Variants in PACSIN1 observed in about 807,000 individuals in gnomAD.
PACSIN1 encodes the protein protein kinase C and casein kinase substrate in neurons protein 1.
In PACSIN1, 15 loss-of-function variants were observed where a neutral mutation model predicts 59.5. The ratio of observed to expected loss-of-function variants is 0.25; its 90% CI spans 0.17 to 0.39. The LOEUF is 0.39. Among genes scored for constraint, PACSIN1 ranks in the 10% least tolerant of loss-of-function variants. The probability of loss-of-function intolerance (pLI) is 1.00; values close to 1 mark genes in which losing one functional copy is unlikely to be tolerated. For synonymous variants in PACSIN1, 210 were observed against 220.6 expected (o/e 0.95, Z 0.42); for missense variants, 420 against 580.2 (o/e 0.72, Z 2.84).
At position 34,529,636 on chromosome 6, in the gene PACSIN1, G is replaced by T; in HGVS notation, c.613-30G>T. 1 of 1,612,950 alleles carries T rather than the reference G, an allele frequency of 6.2e-7. No homozygotes were observed. Among genetic ancestry groups the T allele is most frequent in the Non-Finnish European group, 8.5e-7 (1 of 1,179,066 alleles). The stretch of plus-strand genomic sequence containing the variant: ...CTGGGAGCTGCAGGCCTGGCTAGGT[G>T]TCACCCTCTCTCCACTCTGGTGCCC... On this transcript the variant is annotated intron_variant, in intron 5 of 9. Coordinates refer to ENST00000244458, the MANE Select transcript of PACSIN1 (RefSeq NM_020804.5). The surrounding 1 kb of genome is among the most constrained non-coding windows in gnomAD (Gnocchi z 6.3).
At chr6:34,508,968 G>T (rs1050066012) in intron 1 of PACSIN1, among the ~76,000 whole-genome samples, 2 of 152,090 alleles carry the variant, frequency 1.3e-5, no homozygotes, top group Non-Finnish European at 2.9e-5. Context: ...AGCAGGTTAC[G>T]TTTTCACTCT....
At chr6:34,493,258 G>C (rs1238994837) in intron 1 of PACSIN1, among the ~76,000 whole-genome samples, 1 of 152,206 alleles carries the variant, frequency 6.6e-6, no homozygotes, top group Non-Finnish European at 1.5e-5. Flanking sequence ...CCTGATGCTG[G>C]ACTTTGGGGT....
intron 1 of PACSIN1, among the ~76,000 whole-genome samples, chr6:34,503,014 A>G (rs956720639): frequency 4.6e-5 from 7 of 152,176 alleles, no homozygotes; most frequent in African/African-American, 1.7e-4. Context: ...TAAAGTCTGA[A>G]GACCCCTGGA....
chr6:34,513,387 C>T (rs897256610), intron 1 of PACSIN1, among the ~76,000 whole-genome samples: 4 of 152,020 alleles, frequency 2.6e-5, no homozygotes, highest in Admixed American at 1.3e-4. Flanking sequence ...GTGTGGGGTC[C>T]CTGAGAATTA....
At chr6:34,526,868 C>G (rs1333702606) in intron 2 of PACSIN1, among the ~76,000 whole-genome samples, 2 of 152,086 alleles carry the variant, frequency 1.3e-5, no homozygotes, top group Non-Finnish European at 2.9e-5. Flanking sequence ...CTCCGGAAAC[C>G]CAAGACGAAA....
chr6:34,497,485 A>G (rs1766965052), intron 1 of PACSIN1, among the ~76,000 whole-genome samples: 1 of 152,128 alleles, frequency 6.6e-6, no homozygotes. Flanking sequence ...AGCTGCTGCA[A>G]CAATTGGGAA....
In PACSIN1 at chr6:34,531,613, G is replaced by A; in HGVS notation, c.1051G>A (p.Asp351Asn). ...AGDRGSVSSYDRGQPYATEWS... is the reference protein window; with the variant it reads ...AGDRGSVSSYNRGQPYATEWS... Reference sequence around the variant, plus strand: ...TCCGCGTCTCAGTGTTAGCAGCTACGACAGAGGCCAGCCCTACGCCACCGA... The same window carrying A: ...TCCGCGTCTCAGTGTTAGCAGCTACAACAGAGGCCAGCCCTACGCCACCGA... The change falls in exon 9 of 10, where the codon GAC (aspartate) becomes AAC (asparagine). Residue 351 changes from aspartate to asparagine, a missense_variant. Physicochemically the swap from Asp to Asn is conservative, Grantham distance 23. Coordinates refer to ENST00000244458, the MANE Select transcript of PACSIN1 (RefSeq NM_020804.5). This position sits in a 1 kb window ranked among gnomAD's most constrained non-coding sequence, Gnocchi z 4.4. 1.2e-6 allele frequency: 2 copies of A among 1,613,898 alleles called. No homozygotes were observed. Among genetic ancestry groups the A allele is most frequent in the Non-Finnish European group, 1.7e-6 (2 of 1,180,006 alleles).
At chr6:34,490,873 G>C (rs145845354) in intron 1 of PACSIN1, among the ~76,000 whole-genome samples, 1 of 152,270 alleles carries the variant, frequency 6.6e-6, no homozygotes, top group East Asian at 1.9e-4. Flanking sequence ...TCTCCAAGCA[G>C]CATGTTAAGG....
intron 1 of PACSIN1, among the ~76,000 whole-genome samples, chr6:34,520,198 G>A (rs1289684728): frequency 6.6e-6 from 1 of 152,180 alleles, no homozygotes; most frequent in South Asian, 2.1e-4. Context: ...AATCCTCCCC[G>A]CTGCATTGGG....
intron 3 of PACSIN1, among the ~76,000 whole-genome samples, chr6:34,528,302 G>A (rs1767524762): frequency 6.6e-6 from 1 of 152,216 alleles, no homozygotes; most frequent in Admixed American, 6.5e-5. Context: ...GCGCTGTGCT[G>A]GGCTTGTCAG....
At chr6:34,502,539 C>T (rs1393706539) in intron 1 of PACSIN1, among the ~76,000 whole-genome samples, 1 of 144,426 alleles carries the variant, frequency 6.9e-6, no homozygotes, top group Non-Finnish European at 1.5e-5. Context: ...GATCTCGGCT[C>T]ACTACAAGTT....
intron 1 of PACSIN1, among the ~76,000 whole-genome samples, chr6:34,486,759 C>T (rs1766800208): frequency 6.6e-6 from 1 of 152,140 alleles, no homozygotes; most frequent in South Asian, 2.1e-4. Context: ...GGTTCAGTTG[C>T]TCTGCGAGTT....
chr6:34,527,680 G>T, intron 3 of PACSIN1, 192 bp downstream of exon 3: 4 of 384,358 alleles, frequency 1.0e-5, no homozygotes, highest in Non-Finnish European at 1.3e-5. Flanking sequence ...ATTTTAGGTT[G>T]AATTAAAAAA....
chr6:34,527,620 G>C, intron 3 of PACSIN1, 132 bp downstream of exon 3: 1 of 752,776 alleles, frequency 1.3e-6, no homozygotes, highest in Non-Finnish European at 1.9e-6. Context: ...TTCAGGCGCT[G>C]TTCCCTCCTA....
At chr6:34,511,458 G>A (rs1319022026) in intron 1 of PACSIN1, among the ~76,000 whole-genome samples, 1 of 152,150 alleles carries the variant, frequency 6.6e-6, no homozygotes, top group East Asian at 1.9e-4. Flanking sequence ...CTGTATAATG[G>A]CTCTTTATGA....
intron 1 of PACSIN1, among the ~76,000 whole-genome samples, chr6:34,491,801 G>A (rs527774104): frequency 2.6e-5 from 4 of 151,888 alleles, no homozygotes; most frequent in Non-Finnish European, 4.4e-5. Flanking sequence ...TAGTAGAGAC[G>A]GGGTTTCACC....
Position 34,530,286 on chromosome 6 carries a change from G to A in PACSIN1, c.832G>A (p.Ala278Thr), listed in dbSNP as rs754817179. The A allele has an allele frequency of 3.1e-6, 5 of 1,613,994 alleles. No individual in the cohort carries two copies. The highest frequency in any genetic ancestry group is 1.7e-6 in the Non-Finnish European group (2 of 1,180,004). ...YRELEQAIRG[A>T]DAQEDLRWFR... ...TGAGCTGGAGCAGGCCATCCGGGGG[G>A]CTGATGCCCAGGAAGACCTCAGATG... Residue 278 changes from alanine to threonine, a missense_variant, in exon 7 of 10, where the codon GCT becomes ACT. Ala to Thr is a moderately conservative substitution (Grantham distance 58, BLOSUM62 0). Coordinates refer to ENST00000244458, the MANE Select transcript of PACSIN1 (RefSeq NM_020804.5). This position sits in a 1 kb window ranked among gnomAD's most constrained non-coding sequence, Gnocchi z 4.4.
chr6:34,501,591 C>T (rs1371544356), intron 1 of PACSIN1, among the ~76,000 whole-genome samples: 1 of 152,190 alleles, frequency 6.6e-6, no homozygotes, highest in African/African-American at 2.4e-5. Flanking sequence ...GTGTCTTTAG[C>T]ATTTTTTTTG....
chr6:34,517,882 T>A (rs1561967623), intron 1 of PACSIN1, among the ~76,000 whole-genome samples: 2 of 152,208 alleles, frequency 1.3e-5, no homozygotes, highest in Non-Finnish European at 2.9e-5. Context: ...TTCTGTCTTG[T>A]TCACTGCTGT....
Sources: gnomAD v4.1 joint callset for allele counts (sites outside exome capture counted in the v4.1 genomes callset) on GRCh38, gnomAD v4.1.1 for gene constraint, Gnocchi (gnomAD v3.1) non-coding constraint, MANE v1.5 for transcripts, NCBI Gene and HGNC (gene_info 2026-07-23, HGNC 2026-07-21) for gene names.